Variants in BMPER observed in about 807,000 individuals in gnomAD.
The protein encoded by BMPER is BMP-binding endothelial regulator protein.
Under a neutral mutation model 87.3 loss-of-function variants are expected in BMPER, and 45 were observed. The ratio of observed to expected loss-of-function variants is 0.52; its 90% CI spans 0.41 to 0.66. The LOEUF (loss-of-function observed/expected upper bound fraction) is 0.66, where lower values mean the gene tolerates loss of function less well. Ranked by LOEUF, BMPER falls within the 30% of genes least tolerant of loss-of-function variation. The probability of loss-of-function intolerance (pLI) is 0.00; values close to 1 mark genes in which losing one functional copy is unlikely to be tolerated. For missense variants in BMPER, 784 were observed against 867.5 expected, an observed-to-expected ratio of 0.90 and a Z score of 1.21; for synonymous variants, 326 against 316.2, an observed-to-expected ratio of 1.03 and a Z score of -0.33.
chr7:34,082,805 C>T (rs534210479), intron 12 of BMPER, among the ~76,000 whole-genome samples: 1 of 152,166 alleles, frequency 6.6e-6, no homozygotes, highest in African/African-American at 2.4e-5. Flanking sequence ...TGTGTACATT[C>T]TCAACCATTT....
chr7:33,997,734 C>T (rs1786456821), intron 6 of BMPER, among the ~76,000 whole-genome samples: 2 of 152,216 alleles, frequency 1.3e-5, no homozygotes, highest in Admixed American at 6.5e-5. Context: ...GTGTCAGACA[C>T]GTTCTCACCT....
chr7:34,018,169 G>A (rs974094222), intron 6 of BMPER, among the ~76,000 whole-genome samples: 9 of 151,846 alleles, frequency 5.9e-5, no homozygotes, highest in African/African-American at 2.2e-4. Context: ...AACTTCACTT[G>A]CTAGAAGAAA....
intron 13 of BMPER, among the ~76,000 whole-genome samples, chr7:34,118,558 T>C (rs10251805): frequency 0.76 from 115,932 of 152,006 alleles, 44,810 homozygotes; most frequent in East Asian, 0.95. Flanking sequence ...ACAGTGCCTG[T>C]GTGGCATGTA....
intron 13 of BMPER, among the ~76,000 whole-genome samples, chr7:34,104,170 A>G (rs189570073): frequency 1.7e-4 from 26 of 152,296 alleles, no homozygotes; most frequent in African/African-American, 6.3e-4. Flanking sequence ...TTCTTTCTAG[A>G]AGCCTTTTCT....
chr7:33,943,427 G>A (rs1017257304), intron 3 of BMPER, among the ~76,000 whole-genome samples: 2 of 152,150 alleles, frequency 1.3e-5, no homozygotes, highest in African/African-American at 4.8e-5. Context: ...GGATTCCATA[G>A]TATAGATATA....
intron 6 of BMPER, among the ~76,000 whole-genome samples, chr7:34,004,107 C>T (rs1786662197): frequency 6.6e-6 from 1 of 151,964 alleles, no homozygotes; most frequent in South Asian, 2.1e-4. Context: ...CTTTCTGTTC[C>T]TTGGACTAAA....
At chr7:34,061,751 T>G (rs968039550) in intron 10 of BMPER, among the ~76,000 whole-genome samples, 1 of 152,164 alleles carries the variant, frequency 6.6e-6, no homozygotes, top group Non-Finnish European at 1.5e-5. Context: ...AGTGAGCCCT[T>G]TAGGTATTAT....
chr7:34,052,045 C>A, intron 8 of BMPER, 75 bp downstream of exon 8: 2 of 1,263,066 alleles, frequency 1.6e-6, no homozygotes, highest in Non-Finnish European at 2.3e-6. Flanking sequence ...CAGCCATAGC[C>A]AAAGCCAATG....
At chr7:34,151,803 A>G (rs534786826) in intron 14 of BMPER, among the ~76,000 whole-genome samples, 84 of 152,344 alleles carry the variant, frequency 5.5e-4, no homozygotes, top group African/African-American at 1.7e-3. Flanking sequence ...TATAGAGTCA[A>G]GTAGTTTAAA....
At chr7:34,039,641 CACTT>C (rs1196512767) in intron 6 of BMPER, among the ~76,000 whole-genome samples, 3 of 147,380 alleles carry the variant, frequency 2.0e-5, no homozygotes, top group African/African-American at 7.5e-5. Context: ...CACACACACA[CACTT>C]ATACCACTGT....
At chr7:33,959,001 C>T (rs1785209091) in intron 3 of BMPER, among the ~76,000 whole-genome samples, 1 of 152,112 alleles carries the variant, frequency 6.6e-6, no homozygotes, top group African/African-American at 2.4e-5. Flanking sequence ...AGGAGTTCCC[C>T]TGGACACGCT....
chr7:33,972,744 AG>A (rs1785581532), intron 5 of BMPER, among the ~76,000 whole-genome samples: 1 of 152,232 alleles, frequency 6.6e-6, no homozygotes, highest in Non-Finnish European at 1.5e-5. Flanking sequence ...TTGGCATGCC[AG>A]TGCCACCCAC....
At chr7:33,976,879 C>G (rs1345563157) in intron 6 of BMPER, among the ~76,000 whole-genome samples, 1 of 152,210 alleles carries the variant, frequency 6.6e-6, no homozygotes. Flanking sequence ...TTTTTAAACA[C>G]AATGCATGAT....
intron 13 of BMPER, among the ~76,000 whole-genome samples, chr7:34,120,843 CATAAT>C (rs1562756940): frequency 6.6e-6 from 1 of 151,928 alleles, no homozygotes; most frequent in African/African-American, 2.4e-5. Flanking sequence ...ATTGTGGAAA[CATAAT>C]ATTGCATGAA....
At chr7:34,146,018 C>T (rs12701346) in intron 14 of BMPER, among the ~76,000 whole-genome samples, 113,292 of 151,912 alleles carry the variant, frequency 0.75, 42,965 homozygotes, top group East Asian at 0.91. Context: ...TTTAGACACA[C>T]ACATTCTCTC....
intron 6 of BMPER, among the ~76,000 whole-genome samples, chr7:34,017,962 T>G (rs1292223937): frequency 1.4e-5 from 2 of 145,764 alleles, no homozygotes; most frequent in East Asian, 4.1e-4. Flanking sequence ...TACTTAAACT[T>G]GTCCAAAAAA....
Position 34,120,684 on chromosome 7 carries a change from C to T in BMPER, c.1746-22546C>T, listed in dbSNP as rs984390218. ...AAGTGCTGGGATTACAGGTGAGAGC[C>T]GCTGTGCCCGGCCATTTGGAATAGT... On this transcript the variant is annotated intron_variant, in intron 13 of 14. Coordinates refer to ENST00000649409, the MANE Select transcript of BMPER (RefSeq NM_001365308.1). Among the ~76,000 whole-genome samples the T allele has an allele frequency of 5.3e-5, 8 of 152,126 alleles. No homozygotes were observed. In the East Asian group the frequency reaches 9.6e-4, roughly 18 times the overall value.
At chr7:34,084,932 A>G (rs922564260) in intron 12 of BMPER, among the ~76,000 whole-genome samples, 2 of 152,220 alleles carry the variant, frequency 1.3e-5, no homozygotes, top group Non-Finnish European at 2.9e-5. Context: ...TAAGTTCTCT[A>G]CATTCTGGAG....
chr7:33,987,554 G>C (rs1190472739), intron 6 of BMPER, among the ~76,000 whole-genome samples: 1 of 152,156 alleles, frequency 6.6e-6, no homozygotes, highest in Non-Finnish European at 1.5e-5. Flanking sequence ...AGACTTTGTT[G>C]TTTGGAGAGG....
Sources: allele counts gnomAD v4.1 joint callset (sites outside exome capture counted in the v4.1 genomes callset), GRCh38; gene constraint gnomAD v4.1.1; transcripts MANE v1.5; gene names NCBI Gene and HGNC (gene_info 2026-07-23, HGNC 2026-07-21).